ANO5: variants seen among roughly 807,000 people sequenced by gnomAD.
The protein encoded by ANO5 is anoctamin-5.
A neutral mutation model predicts 121.0 loss-of-function variants in ANO5; 109 were observed. The observed-to-expected ratio is 0.90, with a 90% CI of 0.77 to 1.06. The LOEUF (loss-of-function observed/expected upper bound fraction) is 1.06, where lower values mean the gene tolerates loss of function less well. Ranked by LOEUF, ANO5 falls within the 50% of genes least tolerant of loss-of-function variation. The pLI, the probability that ANO5 is intolerant of heterozygous loss-of-function variation, is 0.00. For missense variants in ANO5, 1,064 were observed against 1,078.5 expected, an observed-to-expected ratio of 0.99 and a Z score of 0.19; for synonymous variants, 406 against 359.9, an observed-to-expected ratio of 1.13 and a Z score of -1.45.
intron 20 of ANO5, 86 bp from the exon 21 acceptor site, chr11:22,276,008 G>C: frequency 1.1e-6 from 1 of 912,358 alleles, no homozygotes; most frequent in Non-Finnish European, 1.7e-6. Flanking sequence ...GGTCTGTTAA[G>C]AGAAATAAGA....
At chr11:22,266,640 TAAAC>T (rs1854376405) in intron 17 of ANO5, among the ~76,000 whole-genome samples, 1 of 152,228 alleles carries the variant, frequency 6.6e-6, no homozygotes, top group African/African-American at 2.4e-5. Flanking sequence ...TGAATACTTT[TAAAC>T]TTCTGGTTAC....
At chr11:22,259,769 T>C (rs759814087) in intron 15 of ANO5, 28 bp downstream of exon 15, 2 of 1,569,582 alleles carry the variant, frequency 1.3e-6, no homozygotes, top group African/African-American at 2.7e-5. Context: ...TTTGTGTGAT[T>C]CTGAAGAATG....
chr11:22,269,015 A>AAGAC (rs572059792), intron 17 of ANO5, among the ~76,000 whole-genome samples: 154 of 151,376 alleles, frequency 1.0e-3, no homozygotes, highest in African/African-American at 3.5e-3. Flanking sequence ...AAAAAGAAAG[A>AAGAC]AGACAGACAT....
chr11:22,268,670 C>T (rs1434190091), intron 17 of ANO5, among the ~76,000 whole-genome samples: 3 of 152,052 alleles, frequency 2.0e-5, no homozygotes, highest in Admixed American at 1.3e-4. Context: ...CATGCAAGTG[C>T]TTATTTTGTT....
chr11:22,200,990 C>T lies in ANO5; in HGVS notation c.41-2814C>T, dbSNP rs146411418. Among the ~76,000 whole-genome samples, 441 of 152,224 alleles carry T rather than the reference C, an allele frequency of 2.9e-3. 3 individuals are homozygous for T. The highest frequency in any genetic ancestry group is 0.01 in the African/African-American group (421 of 41,542). On this transcript the variant is annotated intron_variant, in intron 1 of 21. Coordinates refer to ENST00000324559, the MANE Select transcript of ANO5 (RefSeq NM_213599.3). ...CCACTGGTACCAAAATCCAAGGATG[C>T]TCAAGTCCCTTATATAAAATGCCAT...
chr11:22,196,526 T>A (rs554515814), intron 1 of ANO5, among the ~76,000 whole-genome samples: 3 of 150,042 alleles, frequency 2.0e-5, no homozygotes, highest in Non-Finnish European at 4.4e-5. Flanking sequence ...TAATGAACAT[T>A]CCAGTGGATT....
At chr11:22,234,374 C>G (rs1192232469) in intron 7 of ANO5, among the ~76,000 whole-genome samples, 1 of 152,082 alleles carries the variant, frequency 6.6e-6, no homozygotes, top group Admixed American at 6.6e-5. Flanking sequence ...GGGGGATTGT[C>G]TTCATAAGCT....
chr11:22,270,305 C>A lies in ANO5; in HGVS notation c.1899-7C>A. ...TTTCATATATTAACTTTTATCACTT[C>A]CAACAGCTTGGCTTTGAATTGGTGG... On this transcript the variant is annotated splice_polypyrimidine_tract_variant and splice_region_variant and intron_variant, in intron 17 of 21. Coordinates refer to ENST00000324559, the MANE Select transcript of ANO5 (RefSeq NM_213599.3). 6.2e-7 allele frequency: 1 copy of A among 1,614,054 alleles called. No individual in the cohort carries two copies. Among genetic ancestry groups the A allele is most frequent in the Non-Finnish European group, 8.5e-7 (1 of 1,179,964 alleles).
chr11:22,226,179 G>A (rs181817739), intron 6 of ANO5, 127 bp downstream of exon 6: 9 of 743,056 alleles, frequency 1.2e-5, no homozygotes, highest in East Asian at 1.1e-4. Flanking sequence ...ACAGATATGT[G>A]CACCGGGATG....
At chr11:22,212,822 T>A (rs1042883528) in intron 3 of ANO5, among the ~76,000 whole-genome samples, 3 of 141,222 alleles carry the variant, frequency 2.1e-5, no homozygotes, top group Admixed American at 2.1e-4. Context: ...CAGGTTTTGT[T>A]TTTTTTTTTA....
intron 2 of ANO5, 60 bp from the exon 3 acceptor site, chr11:22,211,204 C>T: frequency 1.3e-6 from 2 of 1,560,170 alleles, no homozygotes; most frequent in East Asian, 4.5e-5. Context: ...AACTTAAAAG[C>T]ACCCTTTGCT....
chr11:22,251,151 T>A, intron 12 of ANO5, 140 bp downstream of exon 12: 1 of 874,520 alleles, frequency 1.1e-6, no homozygotes, highest in South Asian at 1.4e-5. Flanking sequence ...ATTAATATAC[T>A]GATGGAGTGC....
intron 9 of ANO5, among the ~76,000 whole-genome samples, chr11:22,243,023 T>C (rs938154612): frequency 6.6e-6 from 1 of 152,056 alleles, no homozygotes; most frequent in African/African-American, 2.4e-5. Context: ...TTCAGTATGA[T>C]GTTGGTTGTG....
intron 2 of ANO5, among the ~76,000 whole-genome samples, chr11:22,204,892 C>A (rs1852064078): frequency 6.6e-6 from 1 of 152,076 alleles, no homozygotes; most frequent in South Asian, 2.1e-4. Context: ...AAGACCCATG[C>A]ATGTATATGT....
chr11:22,242,509 T>G (rs1853466326), intron 9 of ANO5, among the ~76,000 whole-genome samples: 2 of 152,154 alleles, frequency 1.3e-5, no homozygotes, highest in Non-Finnish European at 2.9e-5. Flanking sequence ...ATGATACTGA[T>G]TCTTCCAATC....
intron 1 of ANO5, among the ~76,000 whole-genome samples, chr11:22,203,199 A>G (rs916406313): frequency 6.6e-6 from 1 of 152,172 alleles, no homozygotes; most frequent in Non-Finnish European, 1.5e-5. Context: ...TTTGACTTAA[A>G]TATATCTTAG....
intron 2 of ANO5, among the ~76,000 whole-genome samples, chr11:22,211,016 C>G (rs971897899): frequency 3.9e-5 from 6 of 151,936 alleles, no homozygotes; most frequent in African/African-American, 1.2e-4. Context: ...GAAGCTCACT[C>G]TCTTTCCTCA....
At chr11:22,228,593 A>G (rs898088361) in intron 7 of ANO5, among the ~76,000 whole-genome samples, 12 of 151,834 alleles carry the variant, frequency 7.9e-5, no homozygotes, top group African/African-American at 9.7e-5. Flanking sequence ...TATTCATCTT[A>G]TCTAACTATA....
At position 22,264,474 on chromosome 11, in the gene ANO5, T is replaced by A. The variant is rs528022051; in HGVS notation, c.1898+1431T>A. ...GGGGAGGTAAAAGAATAAAAAAATT[T>A]TAAAAAAAAAACAAGCAAATTAACA... On this transcript the variant is annotated intron_variant, in intron 17 of 21. Coordinates refer to ENST00000324559, the MANE Select transcript of ANO5 (RefSeq NM_213599.3). Among the ~76,000 whole-genome samples the A allele has an allele frequency of 2.6e-4, 38 of 147,136 alleles. 1 individual carries two copies. The highest frequency in any genetic ancestry group is 7.0e-3 in the Middle Eastern group (2 of 286).
Sources: allele counts gnomAD v4.1 joint callset (sites outside exome capture counted in the v4.1 genomes callset), GRCh38; gene constraint gnomAD v4.1.1; transcripts MANE v1.5; gene names NCBI Gene and HGNC (gene_info 2026-07-23, HGNC 2026-07-21).